FRAS1: variants seen among roughly 807,000 people sequenced by gnomAD.
FRAS1 encodes the protein Fraser extracellular matrix complex subunit 1, also known as extracellular matrix organizing protein FRAS1.
FRAS1 carries 290 observed loss-of-function variants against 435.2 expected under a neutral mutation model. The observed-to-expected ratio is 0.67, with a 90% CI of 0.61 to 0.73. The LOEUF is 0.73. Among genes scored for constraint, FRAS1 ranks in the 30% least tolerant of loss-of-function variants. FRAS1 has a pLI of 0.00. For synonymous variants in FRAS1, 1,800 were observed against 1,851.0 expected (o/e 0.97, Z 0.71); for missense variants, 4,860 against 5,001.5 (o/e 0.97, Z 0.85).
At chr4:78,146,891 A>T (rs377608196) in intron 2 of FRAS1, among the ~76,000 whole-genome samples, 1 of 151,528 alleles carries the variant, frequency 6.6e-6, no homozygotes, top group Admixed American at 6.6e-5. Context: ...TTGTTTGTTT[A>T]GTTTTCTATG....
At chr4:78,322,526 G>C (rs1349260016) in intron 18 of FRAS1, among the ~76,000 whole-genome samples, 1 of 147,962 alleles carries the variant, frequency 6.8e-6, no homozygotes, top group African/African-American at 2.7e-5. Context: ...AGCACAGAGT[G>C]ATTAGAATAT....
At chr4:78,364,620 A>T (rs1731194534) in intron 22 of FRAS1, among the ~76,000 whole-genome samples, 1 of 152,216 alleles carries the variant, frequency 6.6e-6, no homozygotes, top group African/African-American at 2.4e-5. Context: ...GAATATGATT[A>T]ATTACCTTGA....
chr4:78,317,435 C>G lies in FRAS1; in HGVS notation c.1887C>G (p.Pro629=), dbSNP rs113170781. The change falls in exon 17 of 74, where the codon CCC becomes CCG. Residue 629 remains proline (P), a synonymous_variant. Transcript: ENST00000512123. ...CTCACTGTACAGCCTGCAGCCCCCC[C>G]AAGGCTCTGCGTCAAGGCCACTGTC... ...TPSHCTACSP[P]KALRQGHCLP... is the part of the protein sequence containing the mutation. 2 of 1,613,834 alleles carry G rather than the reference C, an allele frequency of 1.2e-6. No individual in the cohort carries two copies. Among genetic ancestry groups the G allele is most frequent in the East Asian group, 4.5e-5 (2 of 44,884 alleles).
At chr4:78,459,446 C>A (rs1719304325) in intron 47 of FRAS1, among the ~76,000 whole-genome samples, 1 of 152,208 alleles carries the variant, frequency 6.6e-6, no homozygotes, top group Non-Finnish European at 1.5e-5. Flanking sequence ...ACAGGGGGAG[C>A]CCAAAGCATG....
intron 52 of FRAS1, among the ~76,000 whole-genome samples, chr4:78,472,944 A>G (rs1398182626): frequency 1.3e-5 from 2 of 152,092 alleles, no homozygotes; most frequent in Non-Finnish European, 2.9e-5. Context: ...CCTCAATTGT[A>G]TGTTCTCTCC....
intron 20 of FRAS1, among the ~76,000 whole-genome samples, chr4:78,340,699 G>C (rs1730363630): frequency 6.6e-6 from 1 of 152,164 alleles, no homozygotes; most frequent in South Asian, 2.1e-4. Context: ...TTTTCTCCAA[G>C]TTTTGGAGGC....
chr4:78,393,913 T>A (rs1244790646), intron 29 of FRAS1, among the ~76,000 whole-genome samples: 1 of 151,706 alleles, frequency 6.6e-6, no homozygotes, highest in Non-Finnish European at 1.5e-5. Context: ...AACATTTACC[T>A]TTTTTTTAGC....
chr4:78,220,108 A>G (rs182522228), intron 2 of FRAS1, among the ~76,000 whole-genome samples: 2 of 152,320 alleles, frequency 1.3e-5, no homozygotes, highest in East Asian at 3.9e-4. Flanking sequence ...ATCATCTCCA[A>G]ATTGACCAGA....
Position 78,133,319 on chromosome 4 carries a change from C to T in FRAS1, c.108+67303C>T, listed in dbSNP as rs1455274264. ...TATTTCTGGGACCTAAAAATCAAAT[C>T]AAAACAATTGAACTCATGGAGATAG... On this transcript the variant is annotated intron_variant, in intron 2 of 73. Coordinates refer to ENST00000512123, the MANE Select transcript of FRAS1 (RefSeq NM_025074.7). Among the ~76,000 whole-genome samples the T allele has an allele frequency of 6.0e-5, 9 of 149,740 alleles. No individual in the cohort carries two copies. In the East Asian group the frequency reaches 1.8e-3, roughly 30 times the overall value.
At position 78,059,377 on chromosome 4, in the gene FRAS1, T is replaced by A. The variant is rs759459047; in HGVS notation, c.76+1292T>A. 1.4e-4 allele frequency among the ~76,000 whole-genome samples: 21 copies of A among 152,166 alleles called. 1 individual carries two copies. Among genetic ancestry groups the A allele is most frequent in the Admixed American group, 1.0e-3 (16 of 15,302 alleles). ...GTCCAGGTGCTGCCTTCTGCACTCTTCCGGGATGTGTGTCAAGTGTGTATA... is the reference window on the plus strand; with the variant it reads ...GTCCAGGTGCTGCCTTCTGCACTCTACCGGGATGTGTGTCAAGTGTGTATA... On this transcript the variant is annotated intron_variant, in intron 1 of 73. Coordinates refer to ENST00000512123, the MANE Select transcript of FRAS1 (RefSeq NM_025074.7).
chr4:78,417,450 A>G (rs1733596547), intron 32 of FRAS1, among the ~76,000 whole-genome samples: 1 of 152,328 alleles, frequency 6.6e-6, no homozygotes, highest in Admixed American at 6.5e-5. Flanking sequence ...ACATGTGTAC[A>G]TGTTTATAGG....
At position 78,537,212 on chromosome 4, in the gene FRAS1, T is replaced by G; in HGVS notation, c.11298+12T>G. On this transcript the variant is annotated intron_variant, in intron 72 of 73. Coordinates refer to ENST00000512123, the MANE Select transcript of FRAS1 (RefSeq NM_025074.7). ...GATTCCTGCTGTTGGTATGCTAAGTTCTCACTATTAGTGTTAAAGAGCAGA... is the reference window on the plus strand; with the variant it reads ...GATTCCTGCTGTTGGTATGCTAAGTGCTCACTATTAGTGTTAAAGAGCAGA... 1 of 1,611,756 alleles carries G rather than the reference T, an allele frequency of 6.2e-7. No individual in the cohort carries two copies. The highest frequency in any genetic ancestry group is 8.5e-7 in the Non-Finnish European group (1 of 1,178,652).
chr4:78,386,522 A>T (rs940066381), intron 28 of FRAS1, among the ~76,000 whole-genome samples: 1 of 152,230 alleles, frequency 6.6e-6, no homozygotes, highest in Non-Finnish European at 1.5e-5. Flanking sequence ...CCAGGAGGCC[A>T]GGAGGGTGCT....
In FRAS1 at chr4:78,534,632, A is replaced by C. The variant is rs762784471; in HGVS notation, c.11092+17A>C. On this transcript the variant is annotated intron_variant, in intron 71 of 73. Coordinates refer to ENST00000512123, the MANE Select transcript of FRAS1 (RefSeq NM_025074.7). ...TTTCAAAAGGTGAGTTGCTTCCTCC[A>C]CCTGCAGAAAGAGGCTCTGCCTGGA... 3 of 1,609,814 alleles carry C rather than the reference A, an allele frequency of 1.9e-6. No individual in the cohort carries two copies. Among genetic ancestry groups the C allele is most frequent in the Non-Finnish European group, 2.5e-6 (3 of 1,177,412 alleles).
chr4:78,438,743 G>A, intron 39 of FRAS1, 25 bp downstream of exon 39: 1 of 1,554,274 alleles, frequency 6.4e-7, no homozygotes, highest in South Asian at 1.2e-5. Flanking sequence ...TGTATTATTT[G>A]ACAGATTCTT....
In FRAS1 at chr4:78,372,768, C is replaced by T; in HGVS notation, c.2920C>T (p.Leu974=). ...ACSGPLKTDC[L]QCMDGYVLQD... ...CAGTGGGCCCCTGAAAACAGACTGC[C>T]TGCAGTGCATGGATGGCTATGTTCT... is the stretch of plus-strand genomic sequence containing the variant. Residue 974 remains leucine, a synonymous_variant, in exon 24 of 74, where the codon CTG becomes TTG. Transcript: ENST00000512123. 6.2e-7 allele frequency: 1 copy of T among 1,613,138 alleles called. No homozygotes were observed.
At chr4:78,438,427 T>C (rs1052432573) in intron 38 of FRAS1, 143 bp from the exon 39 acceptor site, 13 of 779,294 alleles carry the variant, frequency 1.7e-5, no homozygotes, top group Non-Finnish European at 2.5e-5. Context: ...TAGTTTGAAA[T>C]ACAAAGAGAA....
Position 78,407,756 on chromosome 4 carries a change from C to A in FRAS1, c.4223C>A (p.Thr1408Asn), listed in dbSNP as rs1733157760. 1 of 1,613,780 alleles carries A rather than the reference C, an allele frequency of 6.2e-7. No individual in the cohort carries two copies. Among genetic ancestry groups the A allele is most frequent in the African/African-American group, 1.3e-5 (1 of 74,902 alleles). ...GGGAGGACAGCTACCCCCACCAGCA[C>A]CTTCACCCAGCAGGACATCAATGAA... Reference protein sequence around the residue: ...PDGRTATPTSTFTQQDINEGI... With the variant: ...PDGRTATPTSNFTQQDINEGI... Residue 1408 changes from threonine to asparagine, a missense_variant, in exon 31 of 74, where the codon ACC (threonine) becomes AAC (asparagine). Physicochemically the swap from Thr to Asn is moderately conservative, Grantham distance 65. Transcript: ENST00000512123.
At chr4:78,342,293 G>T (rs1016122236) in intron 20 of FRAS1, among the ~76,000 whole-genome samples, 2 of 152,166 alleles carry the variant, frequency 1.3e-5, no homozygotes, top group Non-Finnish European at 2.9e-5. Context: ...ATCAAATCCA[G>T]CACACCGCCA....
Sources: gnomAD v4.1 joint callset for allele counts (sites outside exome capture counted in the v4.1 genomes callset) on GRCh38, gnomAD v4.1.1 for gene constraint, MANE v1.5 for transcripts, NCBI Gene and HGNC (gene_info 2026-07-23, HGNC 2026-07-21) for gene names.